Variants in CSMD1 observed in about 807,000 individuals in gnomAD.
CSMD1 encodes CUB and sushi domain-containing protein 1.
A neutral mutation model predicts 417.5 loss-of-function variants in CSMD1; 213 were observed. That is an observed-to-expected ratio of 0.51 (90% CI 0.46 to 0.57). CSMD1 has a LOEUF of 0.57. CSMD1 is among the 20% of genes least tolerant of loss of function. CSMD1 has a pLI of 0.00. For synonymous variants in CSMD1, 2,862 were observed against 1,736.8 expected (o/e 1.65, Z -16.11); for missense variants, 6,923 against 4,529.7 (o/e 1.53, Z -15.17).
intron 26 of CSMD1, among the ~76,000 whole-genome samples, chr8:3,270,830 A>G (rs1339532178): frequency 6.6e-6 from 1 of 152,216 alleles, no homozygotes; most frequent in Non-Finnish European, 1.5e-5. Flanking sequence ...AAAGAGTTTT[A>G]ATTGACTCAC....
At position 3,856,116 on chromosome 8, in the gene CSMD1, G is replaced by A. The variant is rs565953892; in HGVS notation, c.819-102074C>T. ...CTCGTATTAAAATGTAATTCCCAGT[G>A]CTGGAGACGGGGCTTGGTGGGAGGT... On this transcript the variant is annotated intron_variant, in intron 5 of 69. Transcript: ENST00000635120. Among the ~76,000 whole-genome samples, 6 of 152,182 alleles carry A rather than the reference G, an allele frequency of 3.9e-5. No individual in the cohort carries two copies. The South Asian group carries it at 1.2e-3, about 32-fold the overall frequency.
chr8:3,360,376 C>T (rs192159298), intron 20 of CSMD1, among the ~76,000 whole-genome samples: 4 of 152,288 alleles, frequency 2.6e-5, no homozygotes, highest in African/African-American at 9.6e-5. Flanking sequence ...GTAGTATGTA[C>T]GTATAATTGA....
At chr8:4,259,208 G>A (rs1351358608) in intron 3 of CSMD1, among the ~76,000 whole-genome samples, 6 of 152,132 alleles carry the variant, frequency 3.9e-5, no homozygotes, top group Admixed American at 6.5e-5. Context: ...AGCCCACAAC[G>A]GCTTTCAAAT....
intron 1 of CSMD1, among the ~76,000 whole-genome samples, chr8:4,910,781 G>T (rs1023629487): frequency 6.6e-6 from 1 of 152,174 alleles, no homozygotes; most frequent in East Asian, 1.9e-4. Context: ...GACCTTATAA[G>T]GTGGGAAAAT....
chr8:4,472,790 TA>T (rs1361672931), intron 2 of CSMD1, among the ~76,000 whole-genome samples: 1 of 152,030 alleles, frequency 6.6e-6, no homozygotes, highest in African/African-American at 2.4e-5. Context: ...TACCATTCAA[TA>T]TCATTGATCT....
At chr8:4,213,871 T>G (rs1455544632) in intron 3 of CSMD1, among the ~76,000 whole-genome samples, 5 of 152,116 alleles carry the variant, frequency 3.3e-5, no homozygotes, top group African/African-American at 9.7e-5. Flanking sequence ...TCAGATGAGG[T>G]GAAGGTGAGG....
At chr8:4,164,834 C>G (rs543482513) in intron 3 of CSMD1, among the ~76,000 whole-genome samples, 1 of 151,388 alleles carries the variant, frequency 6.6e-6, no homozygotes, top group Non-Finnish European at 1.5e-5. Context: ...TGACATTGTG[C>G]CACTGCACTC....
At chr8:3,189,600 A>C (rs1210593586) in intron 34 of CSMD1, among the ~76,000 whole-genome samples, 1 of 152,216 alleles carries the variant, frequency 6.6e-6, no homozygotes, top group Non-Finnish European at 1.5e-5. Context: ...GTAATATAGC[A>C]AATCAACATG....
At chr8:3,596,644 A>C (rs939219773) in intron 8 of CSMD1, among the ~76,000 whole-genome samples, 6 of 152,006 alleles carry the variant, frequency 3.9e-5, no homozygotes, top group African/African-American at 1.5e-4. Context: ...AATTTTTTTT[A>C]TTTATCCTTC....
At chr8:3,822,456 A>G (rs1801792590) in intron 5 of CSMD1, among the ~76,000 whole-genome samples, 1 of 152,206 alleles carries the variant, frequency 6.6e-6, no homozygotes, top group African/African-American at 2.4e-5. Context: ...ACAAAGAACA[A>G]TAGGTATTCC....
chr8:3,011,043 T>G lies in CSMD1; in HGVS notation c.8029+7434A>C, dbSNP rs1425835265. ...GCCCTGCCTATTCTCAACTTTTTATTAAAGCTACTTGGTATTTACCTTATT... is the reference window on the plus strand; with the variant it reads ...GCCCTGCCTATTCTCAACTTTTTATGAAAGCTACTTGGTATTTACCTTATT... On this transcript the variant is annotated intron_variant, in intron 52 of 69. Coordinates refer to ENST00000635120, the MANE Select transcript of CSMD1 (RefSeq NM_033225.6). Among the ~76,000 whole-genome samples the G allele has an allele frequency of 2.6e-5, 4 of 152,168 alleles. No homozygotes were observed. In the East Asian group the frequency reaches 7.7e-4, roughly 29 times the overall value.
intron 7 of CSMD1, among the ~76,000 whole-genome samples, chr8:3,663,939 G>A (rs1267234350): frequency 6.6e-6 from 1 of 152,132 alleles, no homozygotes; most frequent in Non-Finnish European, 1.5e-5. Context: ...GATATTTGGG[G>A]TTCACAGAAC....
At chr8:4,718,035 T>C (rs1038516364) in intron 1 of CSMD1, among the ~76,000 whole-genome samples, 2 of 152,176 alleles carry the variant, frequency 1.3e-5, no homozygotes, top group Non-Finnish European at 2.9e-5. Flanking sequence ...TGGAGGGCAG[T>C]GGCACAATCA....
At chr8:4,225,926 T>C (rs1461549080) in intron 3 of CSMD1, among the ~76,000 whole-genome samples, 1 of 152,218 alleles carries the variant, frequency 6.6e-6, no homozygotes, top group Non-Finnish European at 1.5e-5. Context: ...TAATTTCTTA[T>C]TTGGTAGAAT....
chr8:4,566,923 A>G (rs1798642177), intron 2 of CSMD1, among the ~76,000 whole-genome samples: 1 of 36,284 alleles, frequency 2.8e-5, no homozygotes, highest in Non-Finnish European at 7.6e-5. Flanking sequence ...TCAGGAATGA[A>G]CTAAAACTTT....
intron 3 of CSMD1, among the ~76,000 whole-genome samples, chr8:4,107,465 G>A (rs1029110850): frequency 1.3e-5 from 2 of 152,176 alleles, no homozygotes; most frequent in Non-Finnish European, 2.9e-5. Flanking sequence ...ACTGGATAAT[G>A]ATTACAAGTG....
At chr8:4,832,549 A>T (rs1325657083) in intron 1 of CSMD1, among the ~76,000 whole-genome samples, 1 of 152,204 alleles carries the variant, frequency 6.6e-6, no homozygotes, top group Non-Finnish European at 1.5e-5. Flanking sequence ...GAGGTATGCA[A>T]GGTTTTACAG....
Position 4,676,798 on chromosome 8 carries a change from C to CTCAT in CSMD1, c.86-39244_86-39241dup, listed in dbSNP as rs576165892. Among the ~76,000 whole-genome samples, 214 of 151,862 alleles carry CTCAT rather than the reference C, an allele frequency of 1.4e-3. 1 individual carries two copies. Among genetic ancestry groups the CTCAT allele is most frequent in the Non-Finnish European group, 1.1e-3 (74 of 67,950 alleles). ...TTTCTTTGTTCTCTTCAGCGAGTTG[C>CTCAT]TCATTTTATAAAATGGCTTTGAATG... is the stretch of plus-strand genomic sequence containing the variant. On this transcript the variant is annotated intron_variant, in intron 1 of 69. Coordinates refer to ENST00000635120, the MANE Select transcript of CSMD1 (RefSeq NM_033225.6).
chr8:4,825,557 G>C lies in CSMD1; in HGVS notation c.85+168775C>G, dbSNP rs550096259. Among the ~76,000 whole-genome samples the C allele has an allele frequency of 1.9e-4, 29 of 151,058 alleles. 1 individual carries two copies. The highest frequency in any genetic ancestry group is 6.8e-4 in the African/African-American group (28 of 41,018). ...TCTACTCTCTGCTTATATGTGTGTGGCTGTCTTAGATACTTCATACAAGTG... is the reference window on the plus strand; with the variant it reads ...TCTACTCTCTGCTTATATGTGTGTGCCTGTCTTAGATACTTCATACAAGTG... On this transcript the variant is annotated intron_variant, in intron 1 of 69. Coordinates refer to ENST00000635120, the MANE Select transcript of CSMD1 (RefSeq NM_033225.6).
Sources: allele counts gnomAD v4.1 joint callset (sites outside exome capture counted in the v4.1 genomes callset), GRCh38; gene constraint gnomAD v4.1.1; transcripts MANE v1.5; gene names NCBI Gene and HGNC (gene_info 2026-07-23, HGNC 2026-07-21).